The following FAT1 variants were observed in gnomAD, a reference collection of about 807,000 sequenced individuals.
FAT1 encodes protocadherin Fat 1.
A neutral mutation model predicts 329.8 loss-of-function variants in FAT1; 171 were observed. That is an observed-to-expected ratio of 0.52 (90% CI 0.46 to 0.59). FAT1 has a LOEUF of 0.59. FAT1 is among the 20% of genes least tolerant of loss of function. The pLI is 0.00. For missense variants in FAT1, 5,672 were observed against 5,774.4 expected (o/e 0.98, Z 0.57); for synonymous variants, 2,233 against 2,228.6 (o/e 1.00, Z -0.06).
rs1560962482 is a variant in FAT1, at chr4:186,645,407, ATATATATATATATAT to A, written c.3581-5639_3581-5625del. ...TATATATATATATATATATATATAT[ATATATATATATATAT>A]GCCTGTAAAAAACTGAGATATATCC... On this transcript the variant is annotated intron_variant, in intron 3 of 26. Transcript: ENST00000441802. Among the ~76,000 whole-genome samples the A allele has an allele frequency of 3.5e-3, 357 of 100,608 alleles. 10 individuals are homozygous for A. Among genetic ancestry groups the A allele is most frequent in the African/African-American group, 0.013 (342 of 25,992 alleles). 66.0% of individuals were successfully genotyped at this position (100,608 alleles called of 152,430 possible).
intron 2 of FAT1, among the ~76,000 whole-genome samples, chr4:186,701,496 G>A (rs2126675027): frequency 6.6e-6 from 1 of 152,236 alleles, no homozygotes; most frequent in South Asian, 2.1e-4. Flanking sequence ...CCTTTCACCA[G>A]CACATTTTTT....
Position 186,609,312 on chromosome 4 carries a change from G to A in FAT1, c.10077C>T (p.Ala3359=), listed in dbSNP as rs200471853. The change falls in exon 16 of 27, where the codon GCC becomes GCT. Residue 3359 remains alanine (A), a synonymous_variant. Transcript: ENST00000441802. ...VLEQSVITVM[A]DDADGPSNSH... ...TGTTGGAAGGTCCATCGGCATCATC[G>A]GCCATAACCTAGAACACACCACACT... The A allele has an allele frequency of 1.0e-3, 1,646 of 1,613,874 alleles. 1 individual carries two copies. The highest frequency in any genetic ancestry group is 1.3e-3 in the Non-Finnish European group (1,519 of 1,179,844).
In FAT1 at chr4:186,709,805, A is replaced by G. The variant is rs767545930; in HGVS notation, c.23T>C (p.Leu8Pro). Residue 8 changes from leucine to proline, a missense_variant, in exon 2 of 27, where the codon CTC becomes CCC. By Grantham distance (98) the Leu-to-Pro change is moderately conservative. Coordinates refer to ENST00000441802, the MANE Select transcript of FAT1 (RefSeq NM_005245.4). ...TTGGAAGAGAAGGAGCAGAAGCAGG[A>G]GCAAAGCCAAATGTCTCCCCATTGC... is the stretch of plus-strand genomic sequence containing the variant. MGRHLALLLLLLLLFQHF... is the reference protein window; with the variant it reads MGRHLALPLLLLLLFQHF... 8 of 1,606,094 alleles carry G rather than the reference A, an allele frequency of 5.0e-6. No homozygotes were observed. The East Asian group carries it at 1.6e-4, about 31-fold the overall frequency.
At chr4:186,613,942 T>C (rs1739583366) in intron 12 of FAT1, among the ~76,000 whole-genome samples, 1 of 152,210 alleles carries the variant, frequency 6.6e-6, no homozygotes, top group Non-Finnish European at 1.5e-5. Context: ...ACAAGTGGTA[T>C]AAACGCCTTC....
chr4:186,666,317 T>C (rs1742438227), intron 2 of FAT1, among the ~76,000 whole-genome samples: 3 of 152,198 alleles, frequency 2.0e-5, no homozygotes, highest in Admixed American at 1.3e-4. Flanking sequence ...CCAAGCATAA[T>C]GCACACACAC....
At chr4:186,701,890 A>ATTCCG (rs1341931737) in intron 2 of FAT1, among the ~76,000 whole-genome samples, 1 of 152,274 alleles carries the variant, frequency 6.6e-6, no homozygotes, top group Non-Finnish European at 1.5e-5. Flanking sequence ...CTGGGCCGGA[A>ATTCCG]TTCCGTTCCG....
At chr4:186,669,319 C>T (rs534921188) in intron 2 of FAT1, among the ~76,000 whole-genome samples, 6 of 152,194 alleles carry the variant, frequency 3.9e-5, no homozygotes, top group Non-Finnish European at 7.3e-5. Flanking sequence ...TCGCCACTCC[C>T]GTCAGGAGGT....
At chr4:186,611,802 A>G (rs2126470706) in intron 13 of FAT1, 27 bp from the exon 14 acceptor site, 1 of 1,505,568 alleles carries the variant, frequency 6.6e-7, no homozygotes, top group South Asian at 1.3e-5. Flanking sequence ...ACATGTCAAA[A>G]GATTTTAAAT....
chr4:186,606,003 G>A (rs1020421537), intron 17 of FAT1, 67 bp downstream of exon 17: 1 of 1,436,262 alleles, frequency 7.0e-7, no homozygotes, highest in South Asian at 1.3e-5. Context: ...AGAAAGAAAA[G>A]CAACAGAGGC....
chr4:186,656,424 G>A (rs1741907634), intron 3 of FAT1, among the ~76,000 whole-genome samples: 1 of 152,240 alleles, frequency 6.6e-6, no homozygotes, highest in Admixed American at 6.5e-5. Context: ...CGGAGTGTCT[G>A]GAGAACTGGG....
chr4:186,645,366 CATATATATATAT>C (rs70964973), intron 3 of FAT1, among the ~76,000 whole-genome samples: 2,242 of 34,936 alleles, frequency 0.064, 77 homozygotes, highest in Non-Finnish European at 0.084. Flanking sequence ...TACTTCATTA[CATATATATATAT>C]ATATATATAT....
chr4:186,608,054 G>A (rs779111790), intron 16 of FAT1, among the ~76,000 whole-genome samples: 1 of 152,074 alleles, frequency 6.6e-6, no homozygotes, highest in African/African-American at 2.4e-5. Flanking sequence ...TCCCTTACAC[G>A]TTTATACCTC....
At chr4:186,610,653 AAAT>A (rs1739382183) in intron 14 of FAT1, among the ~76,000 whole-genome samples, 1 of 90,366 alleles carries the variant, frequency 1.1e-5, no homozygotes, top group Non-Finnish European at 2.5e-5. Flanking sequence ...TAATTTATAT[AAAT>A]ATAAATTATA....
chr4:186,639,870 C>A (rs764397736), intron 3 of FAT1, 87 bp from the exon 4 acceptor site: 1 of 1,148,798 alleles, frequency 8.7e-7, no homozygotes, highest in Non-Finnish European at 1.3e-6. Context: ...TGGCCAGGTG[C>A]GGTAGCTCAT....
Position 186,598,010 on chromosome 4 carries a change from G to C in FAT1, c.12219C>G (p.Gly4073=), listed in dbSNP as rs1384991041. 6.2e-7 allele frequency: 1 copy of C among 1,613,198 alleles called. No individual in the cohort carries two copies. The highest frequency in any genetic ancestry group is 8.5e-7 in the Non-Finnish European group (1 of 1,179,738). The stretch of plus-strand genomic sequence containing the variant: ...ATAATCCTCTACACTGGCAAACAAA[G>C]CCTCCGTTGTCGACAACACACGTGC... ...YGGTCVVDNG[G]FVCQCRGLYT... The change falls in exon 23 of 27, where the codon GGC becomes GGG. Residue 4073 remains glycine (G), a synonymous_variant. Coordinates refer to ENST00000441802, the MANE Select transcript of FAT1 (RefSeq NM_005245.4).
At chr4:186,697,226 T>C (rs1222731030) in intron 2 of FAT1, among the ~76,000 whole-genome samples, 2 of 152,006 alleles carry the variant, frequency 1.3e-5, no homozygotes, top group Admixed American at 6.5e-5. Flanking sequence ...TTAAACGAGG[T>C]ATCAATGACC....
intron 9 of FAT1, among the ~76,000 whole-genome samples, chr4:186,622,722 T>C (rs1254269712): frequency 6.6e-6 from 1 of 152,238 alleles, no homozygotes; most frequent in Non-Finnish European, 1.5e-5. Flanking sequence ...ACAGCCCTTT[T>C]GGATAAATCA....
chr4:186,703,818 C>T (rs935932480), intron 2 of FAT1, among the ~76,000 whole-genome samples: 1 of 152,230 alleles, frequency 6.6e-6, no homozygotes, highest in Non-Finnish European at 1.5e-5. Flanking sequence ...TCACCTGACA[C>T]GCATCTTTCC....
At chr4:186,601,209 A>G in intron 21 of FAT1, 60 bp downstream of exon 21, 1 of 1,425,668 alleles carries the variant, frequency 7.0e-7, no homozygotes. Context: ...ATCTGAATAT[A>G]AAATGAAATT....
Sources: allele counts gnomAD v4.1 joint callset (sites outside exome capture counted in the v4.1 genomes callset), GRCh38; gene constraint gnomAD v4.1.1; transcripts MANE v1.5; gene names NCBI Gene and HGNC (gene_info 2026-07-23, HGNC 2026-07-21).